The following RHBDD1 variants were observed in gnomAD, a reference collection of about 807,000 sequenced individuals.
RHBDD1 encodes the protein rhomboid-related protein 4.
A neutral mutation model predicts 36.3 loss-of-function variants in RHBDD1; 38 were observed. The ratio of observed to expected loss-of-function variants is 1.05; its 90% CI spans 0.81 to 1.37. The LOEUF (loss-of-function observed/expected upper bound fraction) is 1.37, where lower values mean the gene tolerates loss of function less well. RHBDD1 is among the 40% of genes most tolerant of loss of function. The pLI is 0.00. For missense variants in RHBDD1, 393 were observed against 377.6 expected (o/e 1.04, Z -0.34); for synonymous variants, 151 against 136.5 (o/e 1.11, Z -0.74).
At chr2:226,820,644 C>CAAAAAAAAAAAAAAAAA in the RHBDD1 span, among the ~76,000 whole-genome samples, 1 of 63,544 alleles carries the variant, frequency 1.6e-5, no homozygotes, top group Non-Finnish European at 3.9e-5. Flanking sequence ...TCCATCTCCA[C>CAAAAAAAAAAAAAAAAA]AAAAAAAAAA....
chr2:226,838,908 G>A (rs1395750677), intron 2 of RHBDD1, among the ~76,000 whole-genome samples: 1 of 152,144 alleles, frequency 6.6e-6, no homozygotes, highest in Non-Finnish European at 1.5e-5. Flanking sequence ...AAAGGTCAGG[G>A]GATGAGTAAT....
intron 8 of RHBDD1, among the ~76,000 whole-genome samples, chr2:226,931,800 A>G (rs1950046303): frequency 6.6e-6 from 1 of 151,906 alleles, no homozygotes; most frequent in Non-Finnish European, 1.5e-5. Flanking sequence ...GTTCTTTTTT[A>G]AAATTACTTT....
At chr2:226,818,326 AT>A in the RHBDD1 span, among the ~76,000 whole-genome samples, 60 of 145,428 alleles carry the variant, frequency 4.1e-4, no homozygotes, top group East Asian at 8.4e-3. Context: ...CACCTGGCTA[AT>A]TTTTTTTTTG....
chr2:226,909,146 A>G (rs1358723135), intron 7 of RHBDD1, among the ~76,000 whole-genome samples: 2 of 152,034 alleles, frequency 1.3e-5, no homozygotes, highest in Admixed American at 6.6e-5. Flanking sequence ...GTGTGATAAG[A>G]TTCATATTAG....
chr2:226,826,552 G>A, the RHBDD1 span, among the ~76,000 whole-genome samples: 1 of 126,494 alleles, frequency 7.9e-6, no homozygotes, highest in Non-Finnish European at 1.6e-5. Flanking sequence ...ACAGAGTCTC[G>A]CTCTGTTGCC....
rs1479511682 is a variant in RHBDD1 at position 226,864,808 on chromosome 2, A to T, written c.115A>T (p.Ile39Phe). 1 of 1,614,068 alleles carries T rather than the reference A, an allele frequency of 6.2e-7. No individual in the cohort carries two copies. The highest frequency in any genetic ancestry group is 8.5e-7 in the Non-Finnish European group (1 of 1,180,032). The change falls in exon 4 of 9, where the codon ATC (isoleucine) becomes TTC (phenylalanine). Residue 39 changes from isoleucine (I) to phenylalanine (F), a missense_variant. By Grantham distance (21) the Ile-to-Phe change is conservative. Transcript: ENST00000392062. ...CACCCTAGCAACTTTGGCCCTCAAC[A>T]TCTGGTTCTTCTTGAACCCTCAGAA... is the stretch of plus-strand genomic sequence containing the variant. ...PVTLATLALN[I>F]WFFLNPQKPL...
intron 3 of RHBDD1, among the ~76,000 whole-genome samples, chr2:226,863,933 C>T (rs1248386632): frequency 2.0e-5 from 3 of 152,000 alleles, no homozygotes; most frequent in African/African-American, 4.8e-5. Flanking sequence ...TCTGGGTTCC[C>T]TCTCTCACTG....
intron 8 of RHBDD1, among the ~76,000 whole-genome samples, chr2:226,969,356 C>T (rs1436150560): frequency 6.9e-6 from 1 of 145,944 alleles, no homozygotes; most frequent in African/African-American, 2.5e-5. Context: ...TGTCACAAAG[C>T]AGCAATAGCC....
chr2:226,906,620 G>C, intron 5 of RHBDD1, 173 bp from the exon 6 acceptor site: 1 of 1,383,246 alleles, frequency 7.2e-7, no homozygotes, highest in Admixed American at 2.8e-5. Context: ...TTTTTTTTAA[G>C]GTAGGAGATG....
chr2:226,938,787 G>A (rs1375821966), intron 8 of RHBDD1, among the ~76,000 whole-genome samples: 3 of 151,758 alleles, frequency 2.0e-5, no homozygotes, highest in African/African-American at 7.3e-5. Flanking sequence ...TATGAGTCCA[G>A]CATCATCCTG....
Position 226,993,320 on chromosome 2 carries a change from G to A in RHBDD1, c.857-2111G>A, listed in dbSNP as rs367543843. On this transcript the variant is annotated intron_variant, in intron 8 of 8. Transcript: ENST00000392062. ...CTGTGGCCTGGAGTCAGGGTGCCAC[G>A]TCGAGCTTGCTTCTGACTCTGCCCT... Among the ~76,000 whole-genome samples the A allele has an allele frequency of 1.1e-4, 16 of 152,186 alleles. No homozygotes were observed. The South Asian group carries it at 1.4e-3, about 14-fold the overall frequency.
At chr2:226,915,106 T>C (rs915310574) in intron 8 of RHBDD1, among the ~76,000 whole-genome samples, 15 of 152,084 alleles carry the variant, frequency 9.9e-5, no homozygotes, top group African/African-American at 2.9e-4. Context: ...ATATGCCTAC[T>C]AGATGTGATA....
At chr2:226,833,934 G>C (rs1367732010), upstream of RHBDD1, among the ~76,000 whole-genome samples, 2 of 152,050 alleles carry the variant, frequency 1.3e-5, no homozygotes, top group Non-Finnish European at 2.9e-5. Context: ...AAATCACGTA[G>C]GACAAAAGAG....
At position 226,864,313 on chromosome 2, in the gene RHBDD1, A is replaced by G. The variant is rs1178300135; in HGVS notation, c.-90-291A>G. 6.6e-5 allele frequency among the ~76,000 whole-genome samples: 10 copies of G among 152,122 alleles called. 1 individual carries two copies. The highest frequency in any genetic ancestry group is 8.8e-5 in the Non-Finnish European group (6 of 68,024). The stretch of plus-strand genomic sequence containing the variant: ...CTTTGTAGGTTTTTCATGAGGTTAC[A>G]TGTTTGTTTGGGAAGTGAAGTTAAT... On this transcript the variant is annotated intron_variant, in intron 3 of 8. Coordinates refer to ENST00000392062, the MANE Select transcript of RHBDD1 (RefSeq NM_001167608.3).
chr2:226,899,983 A>G lies in RHBDD1; in HGVS notation c.567-6810A>G, dbSNP rs115993786. Among the ~76,000 whole-genome samples the G allele has an allele frequency of 7.3e-3, 1,115 of 152,304 alleles. 13 individuals carry two copies. Among genetic ancestry groups the G allele is most frequent in the South Asian group, 0.043 (208 of 4,826 alleles). ...AGTACTAGCAAGATGTTTTCCAGTT[A>G]AATACAGAATTACTTTGGTTTGGTG... On this transcript the variant is annotated intron_variant, in intron 5 of 8. Transcript: ENST00000392062.
intron 6 of RHBDD1, 65 bp downstream of exon 6, chr2:226,906,946 A>G (rs1289962551): frequency 2.0e-6 from 3 of 1,528,324 alleles, no homozygotes; most frequent in Non-Finnish European, 2.7e-6. Context: ...TAATGTGAAC[A>G]GAAGCAACCC....
the RHBDD1 span, among the ~76,000 whole-genome samples, chr2:226,810,088 C>A: frequency 6.6e-6 from 1 of 152,084 alleles, no homozygotes. Flanking sequence ...AGTGGCAACT[C>A]CACAAAGTTG....
upstream of RHBDD1, among the ~76,000 whole-genome samples, chr2:226,833,203 A>G (rs1233008306): frequency 1.3e-5 from 2 of 152,258 alleles, no homozygotes; most frequent in African/African-American, 2.4e-5. Context: ...CTAGAAAGCT[A>G]TAAATTATCT....
At chr2:226,852,433 C>T (rs796083633) in intron 3 of RHBDD1, among the ~76,000 whole-genome samples, 30 of 152,228 alleles carry the variant, frequency 2.0e-4, no homozygotes, top group African/African-American at 7.2e-4. Flanking sequence ...GTTATTAGGT[C>T]ATGAGAGTGG....
Sources: gnomAD v4.1 joint callset for allele counts (sites outside exome capture counted in the v4.1 genomes callset) on GRCh38, gnomAD v4.1.1 for gene constraint, MANE v1.5 for transcripts, NCBI Gene and HGNC (gene_info 2026-07-23, HGNC 2026-07-21) for gene names.